NLGN4X: variants seen among roughly 807,000 people sequenced by gnomAD.
The protein encoded by NLGN4X is neuroligin-4, X-linked.
NLGN4X carries 3 observed loss-of-function variants against 40.3 expected under a neutral mutation model. The ratio of observed to expected loss-of-function variants is 0.07; its 90% CI spans 0.03 to 0.19. The LOEUF (loss-of-function observed/expected upper bound fraction) is 0.19, where lower values mean the gene tolerates loss of function less well. NLGN4X is among the 10% of genes least tolerant of loss of function. NLGN4X has a pLI of 1.00. For synonymous variants in NLGN4X, 270 were observed against 306.8 expected (o/e 0.88, Z 1.25); for missense variants, 382 against 708.3 (o/e 0.54, Z 5.23).
intron 2 of NLGN4X, among the ~76,000 whole-genome samples, chrX:6,084,363 C>G (rs1330352513): frequency 9.0e-6 from 1 of 111,288 alleles, no homozygotes; most frequent in African/African-American, 3.3e-5. Flanking sequence ...CAAGAGAAGA[C>G]AGGATTGAGG....
chrX:6,151,935 A>G (rs189443697), intron 1 of NLGN4X, among the ~76,000 whole-genome samples, 164 bp from the exon 2 acceptor site: 2 of 111,206 alleles, frequency 1.8e-5, no homozygotes, highest in East Asian at 5.7e-4. Flanking sequence ...AACAGCAAGA[A>G]CATCACCTGT....
At position 5,893,076 on chromosome X, in the gene NLGN4X, G is replaced by A. The variant is rs2146683656; in HGVS notation, c.2192C>T (p.Ser731Phe). ...GTGTTCCAGCTGCTTCATCTGCAGAGACATGATCTCTTCGTTCTGGATGTG... is the reference window on the plus strand; with the variant it reads ...GTGTTCCAGCTGCTTCATCTGCAGAAACATGATCTCTTCGTTCTGGATGTG... The part of the protein sequence containing the change: ...IAHIQNEEIM[S>F]LQMKQLEHDH... The change falls in exon 6 of 6, where the codon TCT (serine) becomes TTT (phenylalanine). Residue 731 changes from serine (S) to phenylalanine (F), a missense_variant. Ser to Phe is a radical substitution (Grantham distance 155). This residue lies in a region of NLGN4X where 149 missense variants were observed against 375.8 expected (regional missense o/e 0.40). Transcript: ENST00000381095. 2 of 1,211,599 alleles carry A rather than the reference G, an allele frequency of 1.7e-6. No homozygotes were observed. The highest frequency in any genetic ancestry group is 2.2e-6 in the Non-Finnish European group (2 of 895,513).
intron 2 of NLGN4X, among the ~76,000 whole-genome samples, chrX:6,078,910 G>A (rs906941771): frequency 2.7e-5 from 3 of 111,327 alleles, no homozygotes; most frequent in African/African-American, 9.8e-5. Flanking sequence ...CCCCCACGAT[G>A]TTCTCATGAT....
intron 3 of NLGN4X, among the ~76,000 whole-genome samples, chrX:5,994,609 G>A (rs1007603358): frequency 1.8e-5 from 2 of 111,967 alleles, no homozygotes; most frequent in African/African-American, 6.5e-5. Context: ...ACAATTTCAT[G>A]TATCTTTCAT....
chrX:6,129,059 C>T (rs2039623126), intron 2 of NLGN4X, among the ~76,000 whole-genome samples: 1 of 111,196 alleles, frequency 9.0e-6, no homozygotes, highest in African/African-American at 3.3e-5. Flanking sequence ...GGCATTTCAC[C>T]CCATCCACAG....
intron 2 of NLGN4X, among the ~76,000 whole-genome samples, chrX:6,087,286 C>G (rs1024518050): frequency 7.2e-5 from 8 of 110,888 alleles, no homozygotes; most frequent in Non-Finnish European, 1.5e-4. Context: ...GCAACATACA[C>G]ACATTTGTAT....
rs60897428 is a variant in NLGN4X at position 6,221,391 on chromosome X, TTATATATATATA to T, written c.-306+7138_-306+7149del. ...GAAAACCACATTTTTCCTTCTTATATTATATATATATATATATATATATATATATATATATAT... is the reference window on the plus strand; with the variant it reads ...GAAAACCACATTTTTCCTTCTTATATTATATATATATATATATATATATAT... On this transcript the variant is annotated intron_variant, in intron 1 of 5. Transcript: ENST00000381095. Among the ~76,000 whole-genome samples the T allele has an allele frequency of 8.0e-3, 428 of 53,335 alleles. 17 individuals are homozygous for T. Among genetic ancestry groups the T allele is most frequent in the African/African-American group, 0.029 (389 of 13,256 alleles). 46.3% of individuals were successfully genotyped at this position (53,335 alleles called of 115,157 possible).
intron 3 of NLGN4X, among the ~76,000 whole-genome samples, chrX:5,966,668 T>C (rs1317324062): frequency 8.9e-6 from 1 of 112,380 alleles, no homozygotes; most frequent in African/African-American, 3.2e-5. Flanking sequence ...TCCCCAAAGA[T>C]GCTTTTCTGT....
Position 6,151,493 on chromosome X carries a change from G to A in NLGN4X, c.-27C>T. On this transcript the variant is annotated 5_prime_UTR_variant, in exon 2 of 6. Transcript: ENST00000381095. ...GTTCAAATCTGCATCCACATCCACAGCTGTCCCAGTGATGTGGCTCCAAGG... is the reference window on the plus strand; with the variant it reads ...GTTCAAATCTGCATCCACATCCACAACTGTCCCAGTGATGTGGCTCCAAGG... 1 of 1,159,761 alleles carries A rather than the reference G, an allele frequency of 8.6e-7. No homozygotes were observed.
At chrX:6,009,747 G>C (rs2036198683) in intron 3 of NLGN4X, among the ~76,000 whole-genome samples, 1 of 112,157 alleles carries the variant, frequency 8.9e-6, no homozygotes, top group Non-Finnish European at 1.9e-5. Context: ...CTGACCACAA[G>C]CTTTCATTTC....
chrX:6,088,610 T>G (rs1234161487), intron 2 of NLGN4X, among the ~76,000 whole-genome samples: 1 of 110,903 alleles, frequency 9.0e-6, no homozygotes, highest in Admixed American at 9.6e-5. Context: ...TAAAGGGGGG[T>G]TTGTGTAAGT....
intron 3 of NLGN4X, among the ~76,000 whole-genome samples, chrX:5,965,116 T>C (rs1239718701): frequency 8.9e-6 from 1 of 111,809 alleles, no homozygotes; most frequent in Non-Finnish European, 1.9e-5. Context: ...GAACACCCTA[T>C]TAAATTGAAT....
At position 6,188,333 on chromosome X, in the gene NLGN4X, C is replaced by G. The variant is rs1922257673; in HGVS notation, c.-305-36562G>C. On this transcript the variant is annotated intron_variant, in intron 1 of 5. Transcript: ENST00000381095. The stretch of plus-strand genomic sequence containing the variant: ...ACTCTGATTAGCTCCTAAATACTCC[C>G]AAGCTAGATAGAGGAGAAATCTTTT... Among the ~76,000 whole-genome samples the G allele has an allele frequency of 2.7e-5, 3 of 111,904 alleles. 1 individual carries two copies. In the South Asian group the frequency reaches 1.1e-3, roughly 42 times the overall value.
intron 2 of NLGN4X, among the ~76,000 whole-genome samples, chrX:6,121,643 A>G (rs747077751): frequency 1.7e-4 from 19 of 112,351 alleles, no homozygotes; most frequent in Non-Finnish European, 3.4e-4. Flanking sequence ...ATGCTTCACA[A>G]CTACTCCAGT....
intron 2 of NLGN4X, among the ~76,000 whole-genome samples, chrX:6,042,423 C>T (rs1186362929): frequency 1.9e-5 from 2 of 107,910 alleles, no homozygotes; most frequent in African/African-American, 3.4e-5. Flanking sequence ...AAATGAAATA[C>T]AAATCCTATT....
intron 3 of NLGN4X, among the ~76,000 whole-genome samples, chrX:6,021,675 T>C (rs2036561636): frequency 9.0e-6 from 1 of 111,017 alleles, no homozygotes; most frequent in African/African-American, 3.3e-5. Context: ...GTGTATTCAA[T>C]GCATGGAAAC....
intron 2 of NLGN4X, among the ~76,000 whole-genome samples, chrX:6,127,951 A>G (rs2039596849): frequency 9.7e-6 from 1 of 103,508 alleles, no homozygotes; most frequent in African/African-American, 3.6e-5. Context: ...TACAACATGT[A>G]AAACTCAAAA....
intron 1 of NLGN4X, among the ~76,000 whole-genome samples, chrX:6,160,878 TAGAG>T (rs140797742): frequency 0.16 from 16,460 of 102,300 alleles, 1,097 homozygotes; most frequent in Middle Eastern, 0.23. Context: ...CTGCTATATA[TAGAG>T]AGAGAATAAT....
At chrX:6,171,497 C>A (rs991240336) in intron 1 of NLGN4X, among the ~76,000 whole-genome samples, 1 of 111,975 alleles carries the variant, frequency 8.9e-6, no homozygotes, top group African/African-American at 3.2e-5. Flanking sequence ...CCCCATCTTT[C>A]TATTTGTCAT....
Sources: allele counts gnomAD v4.1 joint callset (sites outside exome capture counted in the v4.1 genomes callset), GRCh38; gene constraint gnomAD v4.1.1; regional missense constraint gnomAD v4.1.1; transcripts MANE v1.5; gene names NCBI Gene and HGNC (gene_info 2026-07-23, HGNC 2026-07-21).